The following ARHGAP35 variants were observed in gnomAD, a reference collection of about 807,000 sequenced individuals.
ARHGAP35 encodes the protein Rho GTPase activating protein 35, also known as rho GTPase-activating protein 35.
A neutral mutation model predicts 111.1 loss-of-function variants in ARHGAP35; 15 were observed. The observed-to-expected ratio is 0.13, with a 90% CI of 0.09 to 0.21. The LOEUF is 0.21. Among genes scored for constraint, ARHGAP35 ranks in the 10% least tolerant of loss-of-function variants. The pLI is 1.00. For synonymous variants in ARHGAP35, 643 were observed against 710.3 expected (o/e 0.91, Z 1.51); for missense variants, 1,262 against 1,873.0 (o/e 0.67, Z 6.02).
chr19:46,872,928 A>G (rs1034998253), intron 1 of ARHGAP35, among the ~76,000 whole-genome samples: 7 of 152,162 alleles, frequency 4.6e-5, no homozygotes, highest in African/African-American at 9.7e-5. Context: ...AATAATAACA[A>G]TGAACTGTTT....
At chr19:46,951,115 G>A (rs1384040787) in intron 3 of ARHGAP35, among the ~76,000 whole-genome samples, 1 of 152,356 alleles carries the variant, frequency 6.6e-6, no homozygotes. Context: ...CTATCAAACG[G>A]CCTTTGCCAG....
chr19:46,872,707 C>T (rs1021935388), intron 1 of ARHGAP35, among the ~76,000 whole-genome samples: 13 of 151,922 alleles, frequency 8.6e-5, no homozygotes, highest in East Asian at 7.7e-4. Context: ...GGTGAAACTC[C>T]GTCTCTACTA....
Position 47,001,247 on chromosome 19 carries a change from T to C in ARHGAP35, c.*559T>C. 1 of 1,285,962 alleles carries C rather than the reference T, an allele frequency of 7.8e-7. No homozygotes were observed. The highest frequency in any genetic ancestry group is 1.2e-5 in the South Asian group (1 of 80,252). 79.7% of individuals were successfully genotyped at this position (1,285,962 alleles called of 1,614,324 possible). ...CTAGGTACCTGCTGAGGGCGCTGGC[T>C]CTGCAGATCAGAACAACGGAGGATA... On this transcript the variant is annotated 3_prime_UTR_variant, in exon 7 of 7. Transcript: ENST00000672722. This position sits in a 1 kb window ranked among gnomAD's most constrained non-coding sequence, Gnocchi z 5.4.
intron 3 of ARHGAP35, among the ~76,000 whole-genome samples, chr19:46,965,590 T>A (rs1172582352): frequency 1.3e-5 from 2 of 152,090 alleles, no homozygotes; most frequent in Non-Finnish European, 2.9e-5. Context: ...GCTCAAGTAA[T>A]CCTCCCACCT....
At chr19:46,900,447 G>A (rs970047930) in intron 1 of ARHGAP35, among the ~76,000 whole-genome samples, 4 of 152,082 alleles carry the variant, frequency 2.6e-5, no homozygotes, top group Non-Finnish European at 4.4e-5. Flanking sequence ...TCTCGAACTC[G>A]TGGCCTCAAG....
chr19:46,999,218 C>A lies in ARHGAP35; in HGVS notation c.4037-86C>A. 1.2e-6 allele frequency: 1 copy of A among 866,204 alleles called. No individual in the cohort carries two copies. The highest frequency in any genetic ancestry group is 1.9e-6 in the Non-Finnish European group (1 of 537,498). The allele number at this position is 866,204 out of a possible 1,614,324, so 53.7% of individuals were successfully genotyped here. Reference sequence around the variant, plus strand: ...TCATCCAAAAGCCCTGGGCTGTCCTCAGAGAAGGCCCATCACAGAGCACGC... The same window carrying A: ...TCATCCAAAAGCCCTGGGCTGTCCTAAGAGAAGGCCCATCACAGAGCACGC... On this transcript the variant is annotated intron_variant, in intron 5 of 6. Coordinates refer to ENST00000672722, the MANE Select transcript of ARHGAP35 (RefSeq NM_004491.5). This position sits in a 1 kb window ranked among gnomAD's most constrained non-coding sequence, Gnocchi z 5.4.
rs1420481408 is a variant in ARHGAP35, at chr19:46,921,838, G to C, written c.3163G>C (p.Asp1055His). Residue 1055 changes from aspartate to histidine, a missense_variant, in exon 2 of 7, where the codon GAT becomes CAT. This residue lies in a region of ARHGAP35 where 579 missense variants were observed against 716.9 expected (regional missense o/e 0.81). Transcript: ENST00000672722. This position sits in a 1 kb window ranked among gnomAD's most constrained non-coding sequence, Gnocchi z 4.3. ...TGTCCATTTTGAAATTACAAAGGGG[G>C]ATCTATCTTATTTAGACCAAGGCCA... is the stretch of plus-strand genomic sequence containing the variant. Reference protein sequence around the residue: ...PPVHFEITKGDLSYLDQGHRD... With the variant: ...PPVHFEITKGHLSYLDQGHRD... The C allele has an allele frequency of 1.9e-6, 3 of 1,613,854 alleles. No individual in the cohort carries two copies. The African/African-American group carries it at 4.0e-5, about 22-fold the overall frequency.
At chr19:46,990,411 C>T (rs1339811324) in intron 5 of ARHGAP35, among the ~76,000 whole-genome samples, 1 of 152,258 alleles carries the variant, frequency 6.6e-6, no homozygotes, top group Non-Finnish European at 1.5e-5. Flanking sequence ...GATGCCTGAC[C>T]TCTCAGAGCG....
intron 1 of ARHGAP35, among the ~76,000 whole-genome samples, chr19:46,866,893 G>C (rs749885705): frequency 3.3e-5 from 5 of 152,172 alleles, no homozygotes; most frequent in Non-Finnish European, 7.4e-5. Context: ...AAACGATATG[G>C]AATTTTTCAA....
intron 3 of ARHGAP35, among the ~76,000 whole-genome samples, chr19:46,956,797 CAGT>C (rs2056441780): frequency 6.6e-6 from 1 of 152,130 alleles, no homozygotes; most frequent in South Asian, 2.1e-4. Context: ...GTCTAAGCCT[CAGT>C]TTCCTCATCT....
rs1422316910 is a variant in ARHGAP35 at position 46,865,436 on chromosome 19, G to C, written c.-189+4227G>C. Among the ~76,000 whole-genome samples the C allele has an allele frequency of 2.6e-5, 4 of 152,142 alleles. No homozygotes were observed. In the South Asian group the frequency reaches 6.2e-4, roughly 24 times the overall value. On this transcript the variant is annotated intron_variant, in intron 1 of 6. Transcript: ENST00000672722. ...GGCATGATGAAGGTCGATGCATTTA[G>C]AACAGTGACAAATCAGAAAATACTC... is the stretch of plus-strand genomic sequence containing the variant.
At position 46,920,332 on chromosome 19, in the gene ARHGAP35, C is replaced by T. The variant is rs1317729387; in HGVS notation, c.1657C>T (p.His553Tyr). Reference sequence around the variant, plus strand: ...TCTGAAACACATTCATTTTGTGTACCACCCAACAAAGGAGACATGCCCCAG... The same window carrying T: ...TCTGAAACACATTCATTTTGTGTACTACCCAACAAAGGAGACATGCCCCAG... ...LILKHIHFVY[H>Y]PTKETCPSCP... The change falls in exon 2 of 7, where the codon CAC becomes TAC. Residue 553 changes from histidine to tyrosine, a missense_variant. His to Tyr is a moderately conservative substitution (Grantham distance 83). Around this residue, in one of 8 missense-constraint regions of ARHGAP35, gnomAD observed 328 missense variants for 440.8 expected, o/e 0.74. Coordinates refer to ENST00000672722, the MANE Select transcript of ARHGAP35 (RefSeq NM_004491.5). The surrounding 1 kb of genome is among the most constrained non-coding windows in gnomAD (Gnocchi z 7.0). 2 of 1,613,918 alleles carry T rather than the reference C, an allele frequency of 1.2e-6. No homozygotes were observed. Among genetic ancestry groups the T allele is most frequent in the Non-Finnish European group, 1.7e-6 (2 of 1,179,880 alleles).
intron 2 of ARHGAP35, among the ~76,000 whole-genome samples, chr19:46,931,567 A>G (rs2056273132): frequency 6.6e-6 from 1 of 152,170 alleles, no homozygotes; most frequent in Non-Finnish European, 1.5e-5. Flanking sequence ...GGCATAAACT[A>G]TTATTTATAA....
At chr19:46,902,951 C>T (rs2056089155) in intron 1 of ARHGAP35, among the ~76,000 whole-genome samples, 1 of 152,108 alleles carries the variant, frequency 6.6e-6, no homozygotes, top group African/African-American at 2.4e-5. Flanking sequence ...TGTATGATAT[C>T]GCATTTTGGT....
intron 2 of ARHGAP35, among the ~76,000 whole-genome samples, chr19:46,928,224 G>A (rs2056249714): frequency 6.6e-6 from 1 of 151,934 alleles, no homozygotes; most frequent in Non-Finnish European, 1.5e-5. Flanking sequence ...CAGCATACCT[G>A]TTCTTAAAAA....
At chr19:46,884,707 G>T (rs373485652) in intron 1 of ARHGAP35, among the ~76,000 whole-genome samples, 2 of 151,600 alleles carry the variant, frequency 1.3e-5, no homozygotes, top group East Asian at 3.9e-4. Context: ...AGCTGGTCTT[G>T]AACTCCTGGG....
intron 3 of ARHGAP35, among the ~76,000 whole-genome samples, chr19:46,962,852 G>T (rs2122274458): frequency 6.6e-6 from 1 of 152,256 alleles, no homozygotes; most frequent in South Asian, 2.1e-4. Flanking sequence ...GACCTCAGGT[G>T]ATCCGCCCGC....
In ARHGAP35 at chr19:47,001,841, G is replaced by C. The variant is rs2056750331; in HGVS notation, c.*1153G>C. On this transcript the variant is annotated 3_prime_UTR_variant, in exon 7 of 7. Coordinates refer to ENST00000672722, the MANE Select transcript of ARHGAP35 (RefSeq NM_004491.5). The surrounding 1 kb of genome is among the most constrained non-coding windows in gnomAD (Gnocchi z 5.4). ...CTTGGGGTTGGGGTTGGTGTGTTGG[G>C]TGTTGAAGTGGAATCGTTTCATCCC... The C allele has an allele frequency of 5.3e-6, 1 of 189,138 alleles. No individual in the cohort carries two copies. Among genetic ancestry groups the C allele is most frequent in the South Asian group, 1.1e-4 (1 of 9,300 alleles). The allele number at this position is 189,138 out of a possible 1,614,324, so 11.7% of individuals were successfully genotyped here.
At chr19:46,959,805 C>T (rs1017903551) in intron 3 of ARHGAP35, among the ~76,000 whole-genome samples, 10 of 152,072 alleles carry the variant, frequency 6.6e-5, no homozygotes, top group African/African-American at 1.7e-4. Context: ...AAAGGTAACT[C>T]GAAGCCAGGT....
Sources: allele counts gnomAD v4.1 joint callset (sites outside exome capture counted in the v4.1 genomes callset), GRCh38; gene constraint gnomAD v4.1.1; regional missense constraint gnomAD v4.1.1; non-coding constraint Gnocchi (gnomAD v3.1); transcripts MANE v1.5; gene names NCBI Gene and HGNC (gene_info 2026-07-23, HGNC 2026-07-21).